UNC5C: variants seen among roughly 807,000 people sequenced by gnomAD.
The protein encoded by UNC5C is netrin receptor UNC5C.
Under a neutral mutation model 99.8 loss-of-function variants are expected in UNC5C, and 47 were observed. That is an observed-to-expected ratio of 0.47 (90% CI 0.37 to 0.60). The LOEUF is 0.60. UNC5C is among the 20% of genes least tolerant of loss of function. UNC5C has a pLI of 0.00. For missense variants in UNC5C, 1,062 were observed against 1,165.9 expected (o/e 0.91, Z 1.30); for synonymous variants, 487 against 452.2 (o/e 1.08, Z -0.98).
chr4:95,227,729 T>C (rs1025785255), intron 7 of UNC5C, among the ~76,000 whole-genome samples: 3 of 152,176 alleles, frequency 2.0e-5, no homozygotes, highest in Non-Finnish European at 4.4e-5. Context: ...AGAAAGGATG[T>C]TTGCAAAGTT....
At chr4:95,484,406 C>T (rs2149479164) in intron 1 of UNC5C, among the ~76,000 whole-genome samples, 1 of 151,900 alleles carries the variant, frequency 6.6e-6, no homozygotes, top group South Asian at 2.1e-4. Flanking sequence ...TATCCTGTTC[C>T]CATTTCTGCC....
chr4:95,379,208 A>T (rs943418340), intron 1 of UNC5C, among the ~76,000 whole-genome samples: 7 of 152,176 alleles, frequency 4.6e-5, no homozygotes, highest in Non-Finnish European at 1.0e-4. Context: ...CTTAAGTCTT[A>T]ACGTACTTTA....
chr4:95,410,066 C>G (rs1020335117), intron 1 of UNC5C, among the ~76,000 whole-genome samples: 24 of 152,210 alleles, frequency 1.6e-4, no homozygotes, highest in African/African-American at 5.8e-4. Context: ...ATAGTGACTG[C>G]TAGTGATTTT....
chr4:95,242,698 G>T, intron 6 of UNC5C, 105 bp from the exon 7 acceptor site: 1 of 1,262,296 alleles, frequency 7.9e-7, no homozygotes, highest in Non-Finnish European at 1.1e-6. Context: ...GAACAAGCAT[G>T]CCCTACTGAG....
At chr4:95,400,480 C>T (rs1745658587) in intron 1 of UNC5C, among the ~76,000 whole-genome samples, 1 of 149,698 alleles carries the variant, frequency 6.7e-6, no homozygotes, top group African/African-American at 2.5e-5. Context: ...GCAAGCTCCG[C>T]CTCCCAGTTT....
At chr4:95,301,530 G>C (rs1404473654) in intron 3 of UNC5C, 76 bp downstream of exon 3, 2 of 1,591,818 alleles carry the variant, frequency 1.3e-6, no homozygotes, top group African/African-American at 2.7e-5. Flanking sequence ...TTTGGTGCTG[G>C]AGTAGTCACA....
intron 1 of UNC5C, among the ~76,000 whole-genome samples, chr4:95,448,234 G>GAGAGAGAGAGAGAC (rs1396889903): frequency 1.7e-4 from 24 of 143,470 alleles, no homozygotes; most frequent in African/African-American, 6.2e-4. Flanking sequence ...GTGTGAGAGA[G>GAGAGAGAGAGAGAC]AGAGAGAGAG....
At chr4:95,516,366 C>T (rs536225798) in intron 1 of UNC5C, among the ~76,000 whole-genome samples, 18 of 152,244 alleles carry the variant, frequency 1.2e-4, no homozygotes, top group Admixed American at 2.6e-4. Context: ...ACAGAAGGTT[C>T]TTTGGTTTGG....
chr4:95,493,171 G>A (rs4519799), intron 1 of UNC5C, among the ~76,000 whole-genome samples: 138,407 of 151,374 alleles, frequency 0.91, 63,362 homozygotes, highest in African/African-American at 0.92. Flanking sequence ...AATAAATTCA[G>A]GTAAATGTGA....
intron 4 of UNC5C, among the ~76,000 whole-genome samples, chr4:95,256,361 G>A (rs1023965521): frequency 6.6e-6 from 1 of 152,022 alleles, no homozygotes; most frequent in African/African-American, 2.4e-5. Flanking sequence ...ACAGTCTTAT[G>A]CACCTCACTT....
rs574371626 is a variant in UNC5C at position 95,312,470 on chromosome 4, G to T, written c.347-10721C>A. Among the ~76,000 whole-genome samples, 60 of 152,256 alleles carry T rather than the reference G, an allele frequency of 3.9e-4. 1 individual carries two copies. The South Asian group carries it at 0.012, about 29-fold the overall frequency. On this transcript the variant is annotated intron_variant, in intron 2 of 15. Coordinates refer to ENST00000453304, the MANE Select transcript of UNC5C (RefSeq NM_003728.4). ...TTAATTGTAGCTTAGACGAGTAAAG[G>T]TAACTAGTATTTTTTGAACAGCTAC... is the stretch of plus-strand genomic sequence containing the variant.
intron 1 of UNC5C, among the ~76,000 whole-genome samples, chr4:95,427,976 A>C (rs1379783909): frequency 6.6e-6 from 1 of 152,120 alleles, no homozygotes; most frequent in East Asian, 1.9e-4. Context: ...CAGCTATTTG[A>C]AATTTGTATT....
intron 1 of UNC5C, among the ~76,000 whole-genome samples, chr4:95,487,985 C>T (rs185933213): frequency 6.6e-6 from 1 of 151,818 alleles, no homozygotes; most frequent in Admixed American, 6.6e-5. Flanking sequence ...AATCCCATCC[C>T]ATTGTCTTCA....
chr4:95,322,528 A>G (rs1415899965), intron 2 of UNC5C, among the ~76,000 whole-genome samples: 2 of 152,236 alleles, frequency 1.3e-5, no homozygotes, highest in Non-Finnish European at 2.9e-5. Context: ...TTGAAGAGAC[A>G]GAGATTACAT....
chr4:95,488,543 C>T (rs1282676622), intron 1 of UNC5C, among the ~76,000 whole-genome samples: 1 of 151,592 alleles, frequency 6.6e-6, no homozygotes, highest in African/African-American at 2.4e-5. Context: ...AATATCAGTT[C>T]TTTGGTATCT....
intron 1 of UNC5C, among the ~76,000 whole-genome samples, chr4:95,388,233 G>A (rs1244893714): frequency 6.6e-6 from 1 of 152,058 alleles, no homozygotes; most frequent in African/African-American, 2.4e-5. Flanking sequence ...ACTAGCAAAT[G>A]TACTTCACAA....
intron 1 of UNC5C, among the ~76,000 whole-genome samples, chr4:95,487,367 C>T (rs1325791876): frequency 6.6e-6 from 1 of 151,608 alleles, no homozygotes; most frequent in Non-Finnish European, 1.5e-5. Context: ...TTCTCTAAGG[C>T]TCTATAAATA....
At chr4:95,268,762 G>C (rs553810256) in intron 4 of UNC5C, among the ~76,000 whole-genome samples, 2 of 152,182 alleles carry the variant, frequency 1.3e-5, no homozygotes, top group Non-Finnish European at 2.9e-5. Context: ...GCAAGCATTA[G>C]CTAGAAAACT....
intron 2 of UNC5C, among the ~76,000 whole-genome samples, chr4:95,331,483 G>T (rs1743109350): frequency 6.6e-6 from 1 of 152,060 alleles, no homozygotes; most frequent in East Asian, 1.9e-4. Context: ...TAGTATGTCA[G>T]CCTTTGGCTG....
Sources: gnomAD v4.1 joint callset for allele counts (sites outside exome capture counted in the v4.1 genomes callset) on GRCh38, gnomAD v4.1.1 for gene constraint, MANE v1.5 for transcripts, NCBI Gene and HGNC (gene_info 2026-07-23, HGNC 2026-07-21) for gene names.